The following RALYL variants were observed in gnomAD, a reference collection of about 807,000 sequenced individuals.
RALYL encodes the protein RNA-binding Raly-like protein.
In RALYL, 29 loss-of-function variants were observed where a neutral mutation model predicts 35.1. That is an observed-to-expected ratio of 0.83 (90% CI 0.61 to 1.13). RALYL has a LOEUF of 1.13. Ranked by LOEUF, RALYL falls within the 50% of genes most tolerant of loss-of-function variation. RALYL has a pLI of 0.00. For missense variants in RALYL, 359 were observed against 360.4 expected (o/e 1.00, Z 0.03); for synonymous variants, 120 against 127.6 (o/e 0.94, Z 0.40).
chr8:84,647,177 T>A (rs1827677991), intron 2 of RALYL, among the ~76,000 whole-genome samples: 1 of 152,022 alleles, frequency 6.6e-6, no homozygotes, highest in Admixed American at 6.6e-5. Context: ...AGAGAAGATG[T>A]TAATGAGAAA....
At chr8:84,207,197 G>A (rs575434853) in intron 1 of RALYL, among the ~76,000 whole-genome samples, 3 of 152,152 alleles carry the variant, frequency 2.0e-5, no homozygotes, top group South Asian at 2.1e-4. Flanking sequence ...GTATCTCAAA[G>A]AGATATCTGT....
intron 1 of RALYL, among the ~76,000 whole-genome samples, chr8:84,337,988 A>G (rs1221877824): frequency 6.6e-6 from 1 of 152,050 alleles, no homozygotes; most frequent in African/African-American, 2.4e-5. Context: ...TTACAGCTCA[A>G]ATTAGCTCAA....
At chr8:84,212,382 A>C (rs1184694744) in intron 1 of RALYL, among the ~76,000 whole-genome samples, 1 of 152,148 alleles carries the variant, frequency 6.6e-6, no homozygotes, top group Non-Finnish European at 1.5e-5. Context: ...AATAGTTGAT[A>C]CCGTCCTCAT....
chr8:84,301,677 T>C lies in RALYL; in HGVS notation c.-24+117253T>C, dbSNP rs1356206299. On this transcript the variant is annotated intron_variant, in intron 1 of 8. Transcript: ENST00000521268. ...GTACATCCATAGGGGAAAATAATAG[T>C]AAAACTTCCATTTGAGGGCTCTAGT... 3.9e-5 allele frequency among the ~76,000 whole-genome samples: 6 copies of C among 152,288 alleles called. No individual in the cohort carries two copies. In the East Asian group the frequency reaches 7.7e-4, roughly 20 times the overall value.
intron 4 of RALYL, among the ~76,000 whole-genome samples, chr8:84,818,272 G>A (rs1239527802): frequency 6.6e-6 from 1 of 152,184 alleles, no homozygotes; most frequent in Non-Finnish European, 1.5e-5. Context: ...ACTGATTTAA[G>A]GATGGTTGGT....
intron 2 of RALYL, among the ~76,000 whole-genome samples, chr8:84,688,034 A>T (rs1176387194): frequency 6.6e-6 from 1 of 152,080 alleles, no homozygotes; most frequent in African/African-American, 2.4e-5. Context: ...ATTTAAATGG[A>T]CAAATGGACA....
At chr8:84,507,070 A>G (rs1025518176) in intron 1 of RALYL, among the ~76,000 whole-genome samples, 1 of 152,102 alleles carries the variant, frequency 6.6e-6, no homozygotes, top group Non-Finnish European at 1.5e-5. Flanking sequence ...TTGACCTGGT[A>G]AATTGACAAT....
intron 2 of RALYL, among the ~76,000 whole-genome samples, chr8:84,772,051 T>C (rs1815657158): frequency 6.6e-6 from 1 of 152,104 alleles, no homozygotes; most frequent in South Asian, 2.1e-4. Flanking sequence ...ATGTTCAATT[T>C]CATATTTGTC....
chr8:84,720,495 A>T (rs1001975138), intron 2 of RALYL, among the ~76,000 whole-genome samples: 1 of 152,160 alleles, frequency 6.6e-6, no homozygotes, highest in Non-Finnish European at 1.5e-5. Flanking sequence ...TGTATAAAAA[A>T]TTAACTCAAA....
chr8:84,526,143 TG>T (rs1450363018), intron 1 of RALYL, among the ~76,000 whole-genome samples: 3 of 151,830 alleles, frequency 2.0e-5, no homozygotes, highest in Non-Finnish European at 4.4e-5. Flanking sequence ...TTAGTGGAGA[TG>T]GGGTTTCACC....
At chr8:84,818,158 C>T (rs1563672877) in intron 4 of RALYL, among the ~76,000 whole-genome samples, 1 of 151,902 alleles carries the variant, frequency 6.6e-6, no homozygotes, top group Non-Finnish European at 1.5e-5. Context: ...AAAACAGCAG[C>T]CTGAAGACAG....
chr8:84,589,213 A>G (rs535609633), intron 2 of RALYL, among the ~76,000 whole-genome samples: 11 of 152,276 alleles, frequency 7.2e-5, no homozygotes, highest in East Asian at 1.9e-4. Context: ...TTAAACATCA[A>G]TAGTGATTAT....
chr8:84,640,377 C>G (rs779653771), intron 2 of RALYL, among the ~76,000 whole-genome samples: 1 of 151,936 alleles, frequency 6.6e-6, no homozygotes, highest in Admixed American at 6.6e-5. Flanking sequence ...AATGTGACTG[C>G]TTCTTATGGG....
intron 1 of RALYL, among the ~76,000 whole-genome samples, chr8:84,527,987 G>T (rs1272036612): frequency 2.0e-5 from 3 of 152,074 alleles, no homozygotes; most frequent in Non-Finnish European, 2.9e-5. Context: ...GGTTGCTCTT[G>T]ATTTCAGGAG....
intron 1 of RALYL, among the ~76,000 whole-genome samples, chr8:84,500,155 A>G (rs774415382): frequency 3.9e-5 from 6 of 152,178 alleles, no homozygotes; most frequent in African/African-American, 1.4e-4. Flanking sequence ...TTTCTATAAA[A>G]TTGAAATATG....
rs1554614840 is a variant in RALYL, at chr8:84,311,090, A to AAAATAT, written c.-24+126667_-24+126668insAATATA. On this transcript the variant is annotated intron_variant, in intron 1 of 8. Coordinates refer to ENST00000521268, the MANE Select transcript of RALYL (RefSeq NM_173848.7). Reference sequence around the variant, plus strand: ...AAAAAAAAAAAAAAAAAAAAAAAAAAATGTATATTAATGTATAGTATAAAT... The same window carrying AAAATAT: ...AAAAAAAAAAAAAAAAAAAAAAAAAAAAATATATGTATATTAATGTATAGTATAAAT... Among the ~76,000 whole-genome samples, 42 of 99,770 alleles carry AAAATAT rather than the reference A, an allele frequency of 4.2e-4. 5 individuals are homozygous for AAAATAT. Among genetic ancestry groups the AAAATAT allele is most frequent in the Non-Finnish European group, 4.9e-4 (23 of 47,368 alleles). The allele number at this position is 99,770 out of a possible 152,430, so 65.5% of individuals were successfully genotyped here. A position where few individuals can be genotyped will look rare whatever the true frequency, so the allele number is the denominator to read the frequency against.
intron 1 of RALYL, among the ~76,000 whole-genome samples, chr8:84,279,619 G>T (rs765775155): frequency 6.6e-6 from 1 of 152,144 alleles, no homozygotes; most frequent in African/African-American, 2.4e-5. Flanking sequence ...CAAGGTGTTA[G>T]TAGAGCTATG....
chr8:84,798,924 C>T (rs549781979), intron 3 of RALYL, among the ~76,000 whole-genome samples: 2 of 152,110 alleles, frequency 1.3e-5, no homozygotes, highest in South Asian at 2.1e-4. Context: ...TTGGCTGGAG[C>T]GTGGAGTCTG....
intron 8 of RALYL, among the ~76,000 whole-genome samples, chr8:84,904,642 G>C (rs532758520): frequency 1.3e-5 from 2 of 151,162 alleles, no homozygotes; most frequent in East Asian, 3.9e-4. Flanking sequence ...AGTGATTGTA[G>C]AGTTGCTTCA....
Sources: gnomAD v4.1 joint callset for allele counts (sites outside exome capture counted in the v4.1 genomes callset) on GRCh38, gnomAD v4.1.1 for gene constraint, MANE v1.5 for transcripts, NCBI Gene and HGNC (gene_info 2026-07-23, HGNC 2026-07-21) for gene names.